Variants in PDE7B observed in about 807,000 individuals in gnomAD.
PDE7B encodes the protein 3',5'-cyclic-AMP phosphodiesterase 7B.
A neutral mutation model predicts 56.2 loss-of-function variants in PDE7B; 29 were observed. The observed-to-expected ratio is 0.52, with a 90% CI of 0.38 to 0.70. PDE7B has a LOEUF of 0.70. Among genes scored for constraint, PDE7B ranks in the 30% least tolerant of loss-of-function variants. PDE7B has a pLI of 0.00. For missense variants in PDE7B, 490 were observed against 565.0 expected (o/e 0.87, Z 1.35); for synonymous variants, 197 against 196.9 (o/e 1.00, Z 0.00).
intron 1 of PDE7B, among the ~76,000 whole-genome samples, chr6:135,858,269 C>T (rs1205726522): frequency 6.6e-6 from 1 of 152,082 alleles, no homozygotes; most frequent in Non-Finnish European, 1.5e-5. Context: ...TCTCCTGCCT[C>T]ACCCTCCCAA....
chr6:135,880,358 A>G (rs1775584968), intron 1 of PDE7B, among the ~76,000 whole-genome samples: 1 of 152,186 alleles, frequency 6.6e-6, no homozygotes, highest in South Asian at 2.1e-4. Flanking sequence ...TATTCATCCA[A>G]CAAACACTTA....
chr6:136,009,542 G>T (rs1160367467), intron 2 of PDE7B, among the ~76,000 whole-genome samples: 1 of 151,944 alleles, frequency 6.6e-6, no homozygotes, highest in African/African-American at 2.4e-5. Flanking sequence ...CCTTGAAGAG[G>T]TCCTTCACAT....
chr6:135,989,138 G>A (rs947637399), intron 2 of PDE7B, among the ~76,000 whole-genome samples: 19 of 152,138 alleles, frequency 1.2e-4, no homozygotes, highest in African/African-American at 4.6e-4. Context: ...TTAAACCAAC[G>A]GAAAATACAA....
At position 136,151,201 on chromosome 6, in the gene PDE7B, C is replaced by G. The variant is rs770091718; in HGVS notation, c.424C>G (p.His142Asp). Residue 142 changes from histidine (H) to aspartate (D), a missense_variant, in exon 6 of 13, where the codon CAT (histidine) becomes GAT (aspartate). By Grantham distance (81) the His-to-Asp change is moderately conservative. Coordinates refer to ENST00000308191, the MANE Select transcript of PDE7B (RefSeq NM_018945.4). ...ACTGTTGTGCCACCTCTTCAATACC[C>G]ATGGACTCATTCACCATTTCAAGTT... ...VTLLCHLFNTHGLIHHFKLDM... is the reference protein window; with the variant it reads ...VTLLCHLFNTDGLIHHFKLDM... 2 of 1,611,984 alleles carry G rather than the reference C, an allele frequency of 1.2e-6. No individual in the cohort carries two copies. Among genetic ancestry groups the G allele is most frequent in the South Asian group, 1.1e-5 (1 of 91,046 alleles).
chr6:136,094,047 G>C (rs1282925304), intron 2 of PDE7B: 1 of 153,918 alleles, frequency 6.5e-6, no homozygotes, highest in Non-Finnish European at 1.4e-5. Context: ...TAGAGGCTGG[G>C]AAGTCCAAGA....
chr6:135,956,152 G>A (rs970637840), intron 2 of PDE7B, among the ~76,000 whole-genome samples: 7 of 152,126 alleles, frequency 4.6e-5, no homozygotes, highest in African/African-American at 1.7e-4. Flanking sequence ...CTAAAATAGA[G>A]TGGGCAGAAA....
At chr6:136,058,888 G>T (rs1776786459) in intron 2 of PDE7B, among the ~76,000 whole-genome samples, 1 of 152,142 alleles carries the variant, frequency 6.6e-6, no homozygotes, top group Non-Finnish European at 1.5e-5. Flanking sequence ...GGGGAAAAAA[G>T]TGATTTATAT....
chr6:135,912,915 A>G (rs1387833243), intron 1 of PDE7B, among the ~76,000 whole-genome samples: 2 of 152,142 alleles, frequency 1.3e-5, no homozygotes, highest in Non-Finnish European at 2.9e-5. Flanking sequence ...TAGGGGATCA[A>G]CCATCCTGTC....
chr6:135,906,744 A>G (rs1000538815), intron 1 of PDE7B, among the ~76,000 whole-genome samples: 1 of 151,338 alleles, frequency 6.6e-6, no homozygotes, highest in Non-Finnish European at 1.5e-5. Context: ...GTAATGACTC[A>G]TACAAATACT....
chr6:136,033,847 T>TC (rs1160011033), intron 2 of PDE7B, among the ~76,000 whole-genome samples: 2 of 151,832 alleles, frequency 1.3e-5, no homozygotes, highest in African/African-American at 4.9e-5. Flanking sequence ...ATTTTTTTTT[T>TC]GAATTGCATT....
At chr6:135,984,849 G>A (rs1423987718) in intron 2 of PDE7B, among the ~76,000 whole-genome samples, 1 of 151,976 alleles carries the variant, frequency 6.6e-6, no homozygotes, top group Non-Finnish European at 1.5e-5. Flanking sequence ...CTGCACACGG[G>A]AAGAGCTCAG....
At chr6:135,941,053 C>A (rs1403307413) in intron 1 of PDE7B, among the ~76,000 whole-genome samples, 1 of 152,162 alleles carries the variant, frequency 6.6e-6, no homozygotes, top group African/African-American at 2.4e-5. Context: ...TATTATATGG[C>A]AAACTTGCAG....
chr6:136,069,962 C>T (rs2128213774), intron 2 of PDE7B, among the ~76,000 whole-genome samples: 1 of 152,038 alleles, frequency 6.6e-6, no homozygotes, highest in African/African-American at 2.4e-5. Context: ...CAAATGAGCA[C>T]AAAAGACCCC....
At chr6:136,179,875 A>C (rs1779035729) in intron 10 of PDE7B, among the ~76,000 whole-genome samples, 2 of 152,254 alleles carry the variant, frequency 1.3e-5, no homozygotes, top group African/African-American at 4.8e-5. Context: ...ACATTGGATC[A>C]AGTCCATTCC....
intron 1 of PDE7B, among the ~76,000 whole-genome samples, chr6:135,868,983 A>G (rs1032680630): frequency 2.0e-5 from 3 of 152,162 alleles, no homozygotes; most frequent in African/African-American, 7.2e-5. Flanking sequence ...GTATAAATAT[A>G]CATATATTAT....
At chr6:136,151,059 T>C (rs1043993186) in intron 5 of PDE7B, 101 bp from the exon 6 acceptor site, 2 of 650,672 alleles carry the variant, frequency 3.1e-6, no homozygotes, top group Non-Finnish European at 5.5e-6. Context: ...AAAAATATTC[T>C]ATCACAGAAA....
chr6:136,051,486 C>T (rs1054067912), intron 2 of PDE7B, among the ~76,000 whole-genome samples: 1 of 152,216 alleles, frequency 6.6e-6, no homozygotes, highest in Non-Finnish European at 1.5e-5. Context: ...CTCTTCCCTG[C>T]AAGAAGCATA....
intron 1 of PDE7B, among the ~76,000 whole-genome samples, chr6:135,887,051 T>C (rs1325277874): frequency 6.6e-6 from 1 of 152,126 alleles, no homozygotes; most frequent in Admixed American, 6.6e-5. Context: ...TTTTTAATAA[T>C]AGTCTTCTTG....
chr6:135,954,768 A>ACATTATC (rs554432617), intron 2 of PDE7B, among the ~76,000 whole-genome samples: 58 of 152,322 alleles, frequency 3.8e-4, no homozygotes, highest in East Asian at 2.5e-3. Context: ...AAGGCATTCC[A>ACATTATC]CATTATCCTA....
Sources: allele counts gnomAD v4.1 joint callset (sites outside exome capture counted in the v4.1 genomes callset), GRCh38; gene constraint gnomAD v4.1.1; transcripts MANE v1.5; gene names NCBI Gene and HGNC (gene_info 2026-07-23, HGNC 2026-07-21).